Variants in QTMAN observed in about 807,000 individuals in gnomAD.
The protein encoded by QTMAN is queuosine-tRNA mannosyltransferase.
At chr2:144,031,454 G>A in the QTMAN span, among the ~76,000 whole-genome samples, 2 of 152,114 alleles carry the variant, frequency 1.3e-5, no homozygotes, top group Non-Finnish European at 2.9e-5. Context: ...TTTTCATGAA[G>A]CCAGGAAAGA....
chr2:144,016,865 T>C, the QTMAN span, among the ~76,000 whole-genome samples: 1 of 152,104 alleles, frequency 6.6e-6, no homozygotes, highest in African/African-American at 2.4e-5. Flanking sequence ...ATCAGAAAAG[T>C]AACAGAGAAG....
At chr2:144,279,546 A>C in the QTMAN span, among the ~76,000 whole-genome samples, 1 of 152,170 alleles carries the variant, frequency 6.6e-6, no homozygotes, top group African/African-American at 2.4e-5. Flanking sequence ...GAGCTTGTTA[A>C]AACATTCCCT....
chr2:144,087,677 T>G, the QTMAN span, among the ~76,000 whole-genome samples: 1 of 151,952 alleles, frequency 6.6e-6, no homozygotes, highest in South Asian at 2.1e-4. Flanking sequence ...ACATCATATA[T>G]CACATCAACA....
chr2:144,322,658 C>T, the QTMAN span, among the ~76,000 whole-genome samples: 1 of 152,092 alleles, frequency 6.6e-6, no homozygotes, highest in Non-Finnish European at 1.5e-5. Context: ...ATTAATAGCC[C>T]ATTCAGATAA....
At chr2:144,264,626 A>G in the QTMAN span, among the ~76,000 whole-genome samples, 16 of 152,236 alleles carry the variant, frequency 1.1e-4, no homozygotes, top group Non-Finnish European at 2.2e-4. Flanking sequence ...GCTATGGGAA[A>G]TACGGGTGAG....
the QTMAN span, among the ~76,000 whole-genome samples, chr2:144,228,478 AACATTTTTCTAT>A: frequency 5.3e-5 from 8 of 152,236 alleles, no homozygotes; most frequent in Admixed American, 2.6e-4. Flanking sequence ...CTATTAAAAT[AACATTTTTCTAT>A]AGTATGGTAT....
the QTMAN span, among the ~76,000 whole-genome samples, chr2:144,140,296 A>G: frequency 6.6e-6 from 1 of 152,068 alleles, no homozygotes; most frequent in Non-Finnish European, 1.5e-5. Context: ...ATGATGTTGC[A>G]GAAATACATC....
At chr2:144,033,985 G>A in the QTMAN span, among the ~76,000 whole-genome samples, 2 of 152,188 alleles carry the variant, frequency 1.3e-5, no homozygotes, top group Non-Finnish European at 2.9e-5. Context: ...AGCAATGTGG[G>A]TGCAGAATAA....
chr2:144,006,489 G>A, the QTMAN span: 2 of 152,110 alleles, frequency 1.3e-5, no homozygotes. Context: ...AACTAACTGG[G>A]AGGAATAAAA....
the QTMAN span, among the ~76,000 whole-genome samples, chr2:143,949,277 C>T: frequency 6.6e-6 from 1 of 151,982 alleles, no homozygotes. Flanking sequence ...AAAGTAAATT[C>T]TGTTTCTGCT....
chr2:144,028,206 T>TA, the QTMAN span, among the ~76,000 whole-genome samples: 1 of 152,164 alleles, frequency 6.6e-6, no homozygotes, highest in Non-Finnish European at 1.5e-5. Context: ...TGATCCTTTC[T>TA]AAAAAGAACA....
At chr2:143,949,735 A>C in the QTMAN span, among the ~76,000 whole-genome samples, 1 of 151,894 alleles carries the variant, frequency 6.6e-6, no homozygotes, top group Admixed American at 6.6e-5. Context: ...ATTCTCTAGT[A>C]TTTAGTAAAA....
chr2:144,064,573 T>A, the QTMAN span, among the ~76,000 whole-genome samples: 1 of 152,182 alleles, frequency 6.6e-6, no homozygotes, highest in East Asian at 1.9e-4. Flanking sequence ...GAACTCAAAG[T>A]GTGCTGTGCT....
chr2:143,953,787 A>G, the QTMAN span, among the ~76,000 whole-genome samples: 1 of 151,926 alleles, frequency 6.6e-6, no homozygotes, highest in East Asian at 1.9e-4. Flanking sequence ...AATGTTGACC[A>G]AAGGGGAAAT....
chr2:144,006,403 T>G, the QTMAN span: 6 of 152,100 alleles, frequency 3.9e-5, no homozygotes, highest in African/African-American at 7.2e-5. Flanking sequence ...GACCTAATGA[T>G]CAGCCTAGCA....
At chr2:144,186,609 A>T in the QTMAN span, among the ~76,000 whole-genome samples, 2 of 152,192 alleles carry the variant, frequency 1.3e-5, no homozygotes, top group Admixed American at 1.3e-4. Flanking sequence ...TTTCTAGCTG[A>T]AAAACAAAGC....
the QTMAN span, among the ~76,000 whole-genome samples, chr2:144,207,571 C>T: frequency 1.3e-5 from 2 of 152,194 alleles, no homozygotes; most frequent in African/African-American, 4.8e-5. Flanking sequence ...GTCCTACACA[C>T]AGGCTTATCC....
the QTMAN span, among the ~76,000 whole-genome samples, chr2:144,277,504 G>A: frequency 6.6e-6 from 1 of 152,208 alleles, no homozygotes; most frequent in East Asian, 1.9e-4. Context: ...CAGGAATGCT[G>A]TATCCACATA....
chr2:144,003,393 T>C, the QTMAN span, among the ~76,000 whole-genome samples: 1 of 151,718 alleles, frequency 6.6e-6, no homozygotes, highest in Non-Finnish European at 1.5e-5. Context: ...ATTACAACAT[T>C]TGTATAGTAT....
Sources: gnomAD v4.1 joint callset for allele counts (sites outside exome capture counted in the v4.1 genomes callset) on GRCh38, gnomAD v4.1.1 for gene constraint, MANE v1.5 for transcripts, NCBI Gene and HGNC (gene_info 2026-07-23, HGNC 2026-07-21) for gene names.